Variants in CEACAM1 observed in about 807,000 individuals in gnomAD.
CEACAM1 encodes CEA cell adhesion molecule 1.
CEACAM1 carries 31 observed loss-of-function variants against 49.1 expected under a neutral mutation model. That is an observed-to-expected ratio of 0.63 (90% CI 0.47 to 0.85). The LOEUF is 0.85. Ranked by LOEUF, CEACAM1 falls within the 40% of genes least tolerant of loss-of-function variation. The pLI is 0.00. For synonymous variants in CEACAM1, 244 were observed against 247.8 expected (o/e 0.98, Z 0.14); for missense variants, 570 against 645.3 (o/e 0.88, Z 1.26).
At chr19:42,515,040 G>A (rs892792786) in intron 5 of CEACAM1, 1 of 677,296 alleles carries the variant, frequency 1.5e-6, no homozygotes, top group Non-Finnish European at 2.7e-6. Context: ...GGAAACAGAT[G>A]GGAGGATTGC....
rs370119767 is a variant in CEACAM1 at position 42,524,242 on chromosome 19, G to A, written c.425-2040C>T. 2.0e-5 allele frequency among the ~76,000 whole-genome samples: 3 copies of A among 152,330 alleles called. No individual in the cohort carries two copies. The East Asian group carries it at 5.8e-4, about 29-fold the overall frequency. On this transcript the variant is annotated intron_variant, in intron 2 of 8. Coordinates refer to ENST00000161559, the MANE Select transcript of CEACAM1 (RefSeq NM_001712.5). ...ATGGTGTCATCATGAGGACACAGGT[G>A]TAGGTGGAATGGGCAGCAAACCCAT...
Position 42,528,340 on chromosome 19 carries a change from C to T in CEACAM1, c.35G>A (p.Arg12His), listed in dbSNP as rs1401185211. Residue 12 changes from arginine (R) to histidine (H), a missense_variant, in exon 1 of 9, where the codon CGT (arginine) becomes CAT (histidine). Physicochemically the swap from Arg to His is conservative, Grantham distance 29. Coordinates refer to ENST00000161559, the MANE Select transcript of CEACAM1 (RefSeq NM_001712.5). ...GAGCAGAAGCCCCTGCCAGGGTACACGCACTCTGTGAAGTGGGGCTGAGAG... is the reference window on the plus strand; with the variant it reads ...GAGCAGAAGCCCCTGCCAGGGTACATGCACTCTGTGAAGTGGGGCTGAGAG... ...GHLSAPLHRV[R>H]VPWQGLLLTA... 1.2e-5 allele frequency: 19 copies of T among 1,613,836 alleles called. No individual in the cohort carries two copies. The East Asian group carries it at 1.3e-4, about 11-fold the overall frequency.
chr19:42,509,500 A>G (rs1003471598), intron 8 of CEACAM1, among the ~76,000 whole-genome samples: 4 of 152,252 alleles, frequency 2.6e-5, no homozygotes, highest in Admixed American at 2.6e-4. Context: ...TCACAAAGCA[A>G]TGTTGAAGAA....
chr19:42,509,380 T>G (rs2041399485), intron 8 of CEACAM1, 152 bp from the exon 9 acceptor site: 1 of 793,170 alleles, frequency 1.3e-6, no homozygotes, highest in Non-Finnish European at 2.0e-6. Flanking sequence ...CTTGCTGACC[T>G]CCTGATGAAT....
intron 5 of CEACAM1, among the ~76,000 whole-genome samples, chr19:42,516,567 A>G (rs1389942216): frequency 4.6e-5 from 7 of 152,230 alleles, no homozygotes; most frequent in Non-Finnish European, 4.4e-5. Context: ...AGATGACAGT[A>G]CTACCCAAAG....
rs1487686238 is a variant in CEACAM1, at chr19:42,527,102, G to C, written c.363C>G (p.Thr121=). ...NVTQNDTGFY[T]LQVIKSDLVN... ...CAAGATCTGACTTTATGACTTGTAGGGTGTAGAATCCTGTGTCATTCTGGG... is the reference window on the plus strand; with the variant it reads ...CAAGATCTGACTTTATGACTTGTAGCGTGTAGAATCCTGTGTCATTCTGGG... Residue 121 remains threonine, a synonymous_variant, in exon 2 of 9, where the codon ACC becomes ACG. Transcript: ENST00000161559. 1.9e-6 allele frequency: 3 copies of C among 1,613,860 alleles called. No individual in the cohort carries two copies. The highest frequency in any genetic ancestry group is 2.7e-5 in the African/African-American group (2 of 75,044).
At chr19:42,525,827 T>A (rs1462708294) in intron 2 of CEACAM1, 2 of 152,200 alleles carry the variant, frequency 1.3e-5, no homozygotes, top group Non-Finnish European at 2.9e-5. Context: ...TGGCTCAGTT[T>A]CCCCTCAGTG....
chr19:42,521,618 A>T (rs1234790606), intron 3 of CEACAM1, 97 bp from the exon 4 acceptor site: 1 of 1,546,694 alleles, frequency 6.5e-7, no homozygotes, highest in Non-Finnish European at 8.7e-7. Flanking sequence ...CTACTAAGTC[A>T]CAACCCTGAA....
intron 2 of CEACAM1, among the ~76,000 whole-genome samples, chr19:42,522,829 C>T (rs1402510661): frequency 1.3e-5 from 2 of 152,142 alleles, no homozygotes; most frequent in Non-Finnish European, 1.5e-5. Flanking sequence ...GCTGGGATTC[C>T]GTCCGGGCAT....
At chr19:42,523,869 A>C (rs530272814) in intron 2 of CEACAM1, among the ~76,000 whole-genome samples, 1 of 152,350 alleles carries the variant, frequency 6.6e-6, no homozygotes, top group East Asian at 1.9e-4. Context: ...GTTTGAAATC[A>C]GTGACTCCCT....
chr19:42,519,941 G>A (rs2041701698), intron 4 of CEACAM1, among the ~76,000 whole-genome samples: 1 of 152,208 alleles, frequency 6.6e-6, no homozygotes, highest in Non-Finnish European at 1.5e-5. Context: ...CAAAAGGGAA[G>A]GTAGTGTTTT....
At chr19:42,510,066 T>C (rs555974219) in intron 8 of CEACAM1, among the ~76,000 whole-genome samples, 1 of 152,232 alleles carries the variant, frequency 6.6e-6, no homozygotes, top group African/African-American at 2.4e-5. Flanking sequence ...GTATGTTTGC[T>C]CTATTGAAAA....
At chr19:42,512,624 T>TA (rs2041487492) in intron 5 of CEACAM1, 145 bp from the exon 6 acceptor site, 1 of 710,250 alleles carries the variant, frequency 1.4e-6, no homozygotes, top group Non-Finnish European at 2.3e-6. Context: ...GGAAGGTGAT[T>TA]AGCTAACTAT....
At chr19:42,527,659 C>A (rs1416274961) in intron 1 of CEACAM1, 13 of 446,588 alleles carry the variant, frequency 2.9e-5, no homozygotes. Flanking sequence ...TCCCCACTGC[C>A]CTCAGATCTT....
chr19:42,512,481 T>C lies in CEACAM1; in HGVS notation c.1247-2A>G. On this transcript the variant is annotated splice_acceptor_variant, in intron 5 of 8. Transcript: ENST00000161559. LOFTEE classifies it high-confidence loss of function. ...CATTTTCTTGTGGTAGAGCATTATCTGTCATGGAGAGAAAAGAGGAGAAGA... is the reference window on the plus strand; with the variant it reads ...CATTTTCTTGTGGTAGAGCATTATCCGTCATGGAGAGAAAAGAGGAGAAGA... The C allele has an allele frequency of 6.2e-7, 1 of 1,613,632 alleles. No individual in the cohort carries two copies. The highest frequency in any genetic ancestry group is 1.1e-5 in the South Asian group (1 of 91,054).
intron 1 of CEACAM1, 35 bp downstream of exon 1, chr19:42,528,276 T>C: frequency 6.3e-7 from 1 of 1,598,202 alleles, no homozygotes; most frequent in Admixed American, 1.7e-5. Flanking sequence ...CTGTGCGCCC[T>C]CTTTCCGCCC....
At chr19:42,512,828 G>C (rs1448952386) in intron 5 of CEACAM1, among the ~76,000 whole-genome samples, 2 of 151,966 alleles carry the variant, frequency 1.3e-5, no homozygotes, top group African/African-American at 4.8e-5. Flanking sequence ...ACCACACCTG[G>C]CTAATTTCTG....
intron 5 of CEACAM1, chr19:42,516,918 A>G: frequency 2.5e-6 from 1 of 403,922 alleles, no homozygotes; most frequent in South Asian, 1.8e-5. Context: ...AAACAACAAC[A>G]ATAAAACAAA....
chr19:42,513,958 C>CTTTTTTTTTTT (rs869304469), intron 5 of CEACAM1, among the ~76,000 whole-genome samples: 3 of 86,884 alleles, frequency 3.5e-5, no homozygotes, highest in African/African-American at 5.3e-5. Context: ...TCTTCTTCTT[C>CTTTTTTTTTTT]TTTTTTTTTT....
Sources: allele counts gnomAD v4.1 joint callset (sites outside exome capture counted in the v4.1 genomes callset), GRCh38; gene constraint gnomAD v4.1.1; transcripts MANE v1.5; gene names NCBI Gene and HGNC (gene_info 2026-07-23, HGNC 2026-07-21).